The following TRIM14 variants were observed in gnomAD, a reference collection of about 807,000 sequenced individuals.
TRIM14 encodes the protein tripartite motif-containing protein 14.
TRIM14 carries 28 observed loss-of-function variants against 44.5 expected under a neutral mutation model. That is an observed-to-expected ratio of 0.63 (90% CI 0.47 to 0.86). TRIM14 has a LOEUF of 0.86. Ranked by LOEUF, TRIM14 falls within the 40% of genes least tolerant of loss-of-function variation. TRIM14 has a pLI of 0.00. For missense variants in TRIM14, 607 were observed against 611.1 expected, an observed-to-expected ratio of 0.99 and a Z score of 0.07; for synonymous variants, 299 against 269.2, an observed-to-expected ratio of 1.11 and a Z score of -1.08.
the TRIM14 span, chr9:98,056,668 T>C: frequency 2.3e-6 from 3 of 1,298,566 alleles, no homozygotes; most frequent in Non-Finnish European, 3.1e-6. Flanking sequence ...GCCTAGGGGA[T>C]TGGCTGCCCG....
intron 3 of TRIM14, among the ~76,000 whole-genome samples, chr9:98,098,486 C>T (rs372163687): frequency 7.2e-5 from 11 of 151,916 alleles, no homozygotes; most frequent in South Asian, 2.1e-4. Flanking sequence ...CCGAGGGGGG[C>T]GGATCACGAG....
At chr9:98,083,373 G>T (rs1267153125), downstream of TRIM14, among the ~76,000 whole-genome samples, 1 of 152,216 alleles carries the variant, frequency 6.6e-6, no homozygotes, top group East Asian at 1.9e-4. Flanking sequence ...CTGCAGAGAG[G>T]GGTGAGAGCT....
rs1457543189 is a variant in TRIM14, at chr9:98,077,945, T to A, written c.*29-8258A>T. 3 of 527,316 alleles carry A rather than the reference T, an allele frequency of 5.7e-6. No individual in the cohort carries two copies. The African/African-American group carries it at 5.7e-5, about 10-fold the overall frequency. The allele number at this position is 527,316 out of a possible 1,614,324, so 32.7% of individuals were successfully genotyped here. On this transcript the variant is annotated intron_variant, in intron 6 of 6. Coordinates refer to the TRIM14 transcript ENST00000375098. ...TTTCCTCTTGGCAGTGTGAAATTCC[T>A]CTGCCTCTTTAATTCAGTTCCTTTT... is the stretch of plus-strand genomic sequence containing the variant.
chr9:98,036,705 G>A, the TRIM14 span, among the ~76,000 whole-genome samples: 4 of 152,170 alleles, frequency 2.6e-5, no homozygotes, highest in Non-Finnish European at 4.4e-5. Context: ...TCAGGAGGCT[G>A]AGGCAGGAGA....
At chr9:98,081,121 T>C (rs1829839775), downstream of TRIM14, 1 of 1,608,782 alleles carries the variant, frequency 6.2e-7, no homozygotes, top group Non-Finnish European at 8.5e-7. Context: ...TGCTGCCGTG[T>C]GTGGAAAAAG....
downstream of TRIM14, chr9:98,081,897 A>T (rs1412902971): frequency 1.3e-5 from 2 of 152,256 alleles, no homozygotes; most frequent in African/African-American, 2.4e-5. Flanking sequence ...GTTTCTTTAT[A>T]GAGGAAACAG....
At chr9:98,080,701 C>G, downstream of TRIM14, 1 of 1,207,574 alleles carries the variant, frequency 8.3e-7, no homozygotes, top group East Asian at 2.5e-5. Flanking sequence ...TATCTTGCCC[C>G]TGGCTGCACA....
At chr9:98,077,195 T>C (rs890119032) in intron 6 of TRIM14, among the ~76,000 whole-genome samples, 3 of 152,072 alleles carry the variant, frequency 2.0e-5, no homozygotes, top group African/African-American at 7.2e-5. Flanking sequence ...ACTCCTGGCC[T>C]AAAGCAATCC....
At chr9:98,042,832 T>G in the TRIM14 span, among the ~76,000 whole-genome samples, 2 of 150,332 alleles carry the variant, frequency 1.3e-5, no homozygotes, top group Non-Finnish European at 2.9e-5. Flanking sequence ...ATCACGCCAC[T>G]GCACTCCAGC....
the TRIM14 span, among the ~76,000 whole-genome samples, chr9:98,038,227 T>C: frequency 6.6e-6 from 1 of 152,186 alleles, no homozygotes; most frequent in East Asian, 1.9e-4. Context: ...ATGTTTTGTA[T>C]TTTTAGTAGA....
At chr9:98,038,968 T>C in the TRIM14 span, among the ~76,000 whole-genome samples, 6 of 151,890 alleles carry the variant, frequency 4.0e-5, no homozygotes, top group East Asian at 7.7e-4. Flanking sequence ...GAGAATCGCT[T>C]GAACCCAGGA....
intron 2 of TRIM14, among the ~76,000 whole-genome samples, chr9:98,107,689 T>C (rs574164493): frequency 1.3e-5 from 2 of 151,690 alleles, no homozygotes; most frequent in East Asian, 1.9e-4. Context: ...TTTTTTAAGA[T>C]GGAGTCTCGC....
Position 98,087,920 on chromosome 9 carries a change from C to T in TRIM14, c.879G>A (p.Leu293=), listed in dbSNP as rs1825850385. Residue 293 remains leucine, a synonymous_variant, in exon 6 of 6, where the codon CTG becomes CTA. Coordinates refer to ENST00000341469, the MANE Select transcript of TRIM14 (RefSeq NM_014788.4). ...SADRLTVRCG[L]LGSLGPVPVL... ...CGGGCACGGGCCCCAGGCTGCCCAG[C>T]AGGCCGCAGCGCACCGTCAGGCGAT... 1 of 1,565,658 alleles carries T rather than the reference C, an allele frequency of 6.4e-7. No homozygotes were observed.
the TRIM14 span, among the ~76,000 whole-genome samples, chr9:98,052,860 TTC>T: frequency 5.4e-4 from 82 of 152,340 alleles, no homozygotes; most frequent in African/African-American, 1.9e-3. Context: ...GGCTTTTGAA[TTC>T]TACCACAGGT....
chr9:98,098,753 T>C (rs1826279636), intron 3 of TRIM14, among the ~76,000 whole-genome samples: 1 of 151,960 alleles, frequency 6.6e-6, no homozygotes, highest in African/African-American at 2.4e-5. Flanking sequence ...CAACATGCTT[T>C]CTCTAAATGT....
the TRIM14 span, chr9:98,056,675 C>T: frequency 7.3e-7 from 1 of 1,373,408 alleles, no homozygotes; most frequent in Non-Finnish European, 9.7e-7. Flanking sequence ...GGATTGGCTG[C>T]CCGGCGACCG....
chr9:98,056,892 C>A, the TRIM14 span: 1 of 1,611,074 alleles, frequency 6.2e-7, no homozygotes, highest in South Asian at 1.1e-5. Context: ...TCGGCCAGAA[C>A]CACCAGGGCG....
chr9:98,075,928 A>C (rs1749716044), intron 6 of TRIM14: 1 of 152,212 alleles, frequency 6.6e-6, no homozygotes, highest in Admixed American at 6.5e-5. Context: ...ATAACTTGTG[A>C]TCCACTGATT....
At chr9:98,099,887 T>TGGGTGGC in intron 3 of TRIM14, 44 bp downstream of exon 3, 2 of 1,542,242 alleles carry the variant, frequency 1.3e-6, no homozygotes, top group South Asian at 1.1e-5. Flanking sequence ...AGATGAAGTG[T>TGGGTGGC]GGGTGGCAGG....
Sources: gnomAD v4.1 joint callset for allele counts (sites outside exome capture counted in the v4.1 genomes callset) on GRCh38, gnomAD v4.1.1 for gene constraint, MANE v1.5 for transcripts, NCBI Gene and HGNC (gene_info 2026-07-23, HGNC 2026-07-21) for gene names.